ROBO2: variants seen among roughly 807,000 people sequenced by gnomAD.
The protein encoded by ROBO2 is roundabout guidance receptor 2.
ROBO2 carries 53 observed loss-of-function variants against 160.8 expected under a neutral mutation model. The observed-to-expected ratio is 0.33, with a 90% CI of 0.26 to 0.41. The LOEUF is 0.41. Ranked by LOEUF, ROBO2 falls within the 10% of genes least tolerant of loss-of-function variation. The pLI is 1.00. For synonymous variants in ROBO2, 664 were observed against 611.7 expected (o/e 1.09, Z -1.26); for missense variants, 1,577 against 1,722.4 (o/e 0.92, Z 1.49).
chr3:76,305,857 A>C (rs1013520294), intron 2 of ROBO2, among the ~76,000 whole-genome samples: 7 of 151,944 alleles, frequency 4.6e-5, no homozygotes, highest in Non-Finnish European at 1.0e-4. Context: ...AAAAAAAAAA[A>C]CAAAAAAACA....
intron 2 of ROBO2, among the ~76,000 whole-genome samples, chr3:76,964,048 T>C (rs1177676833): frequency 6.6e-6 from 1 of 152,058 alleles, no homozygotes. Context: ...ACAGAAAATG[T>C]GATTTAAAGC....
rs993678108 is a variant in ROBO2 at position 76,435,508 on chromosome 3, C to A, written c.109+497906C>A. On this transcript the variant is annotated intron_variant, in intron 2 of 26. Transcript: ENST00000487694. ...TCAAGATGGTTCTTTTCGCGATTTC[C>A]TCTACCTTGGTGCTCTTAAAACTGC... The A allele has an allele frequency of 6.2e-6, 4 of 648,006 alleles. No homozygotes were observed. The African/African-American group carries it at 7.2e-5, about 12-fold the overall frequency. 40.1% of individuals were successfully genotyped at this position (648,006 alleles called of 1,614,324 possible). A position where few individuals can be genotyped will look rare whatever the true frequency, so the allele number is the denominator to read the frequency against.
chr3:77,120,695 C>CA (rs1283512187), intron 2 of ROBO2, among the ~76,000 whole-genome samples: 2 of 151,938 alleles, frequency 1.3e-5, no homozygotes, highest in East Asian at 3.9e-4. Context: ...TGTCTGTATT[C>CA]AAAATAGTAT....
intron 2 of ROBO2, among the ~76,000 whole-genome samples, chr3:76,096,174 A>C (rs1220973880): frequency 6.6e-6 from 1 of 152,168 alleles, no homozygotes; most frequent in African/African-American, 2.4e-5. Flanking sequence ...GCCATCTTCC[A>C]TCACAGACCT....
At chr3:76,534,997 G>A (rs531069047) in intron 2 of ROBO2, among the ~76,000 whole-genome samples, 20 of 152,178 alleles carry the variant, frequency 1.3e-4, no homozygotes, top group African/African-American at 4.8e-4. Context: ...CCAAAGTAGT[G>A]TGGGCTTTCC....
chr3:75,995,558 G>A (rs1480587586), intron 2 of ROBO2, among the ~76,000 whole-genome samples: 1 of 152,144 alleles, frequency 6.6e-6, no homozygotes, highest in Non-Finnish European at 1.5e-5. Context: ...TTCTGCTAGG[G>A]AAGTGCAGAA....
chr3:76,965,353 C>T (rs1252342933), intron 2 of ROBO2, among the ~76,000 whole-genome samples: 2 of 152,200 alleles, frequency 1.3e-5, no homozygotes, highest in Non-Finnish European at 2.9e-5. Flanking sequence ...TAAAGCTACA[C>T]TCAGGAAATT....
intron 2 of ROBO2, among the ~76,000 whole-genome samples, chr3:77,034,496 C>T (rs1270292543): frequency 6.6e-6 from 1 of 151,462 alleles, no homozygotes; most frequent in Non-Finnish European, 1.5e-5. Context: ...TGCTCCCAAA[C>T]AGATTAGTTC....
chr3:77,043,979 G>A (rs1417401685), intron 1 of ROBO2, among the ~76,000 whole-genome samples: 1 of 151,984 alleles, frequency 6.6e-6, no homozygotes. Context: ...TCAGTAATGG[G>A]CTTATTATCA....
intron 2 of ROBO2, among the ~76,000 whole-genome samples, chr3:76,737,448 A>G (rs2093731910): frequency 6.6e-6 from 1 of 152,194 alleles, no homozygotes; most frequent in Non-Finnish European, 1.5e-5. Context: ...AACAAACAAT[A>G]TGCAAACAAA....
At chr3:77,379,046 C>T (rs2073088449) in intron 2 of ROBO2, among the ~76,000 whole-genome samples, 1 of 151,834 alleles carries the variant, frequency 6.6e-6, no homozygotes, top group Admixed American at 6.6e-5. Flanking sequence ...CTCCCAGGTT[C>T]AAGCGATTCT....
intron 2 of ROBO2, among the ~76,000 whole-genome samples, chr3:77,099,423 T>A (rs1042282161): frequency 6.6e-6 from 1 of 152,156 alleles, no homozygotes; most frequent in African/African-American, 2.4e-5. Context: ...TGGAAATGTA[T>A]AACTCCAATA....
chr3:75,990,474 T>C (rs1468016951), intron 2 of ROBO2, among the ~76,000 whole-genome samples: 1 of 152,188 alleles, frequency 6.6e-6, no homozygotes, highest in African/African-American at 2.4e-5. Flanking sequence ...TAGTTGTTAC[T>C]CCAGGATAGA....
intron 16 of ROBO2, among the ~76,000 whole-genome samples, chr3:77,583,812 A>T (rs2093976885): frequency 6.6e-6 from 1 of 152,194 alleles, no homozygotes; most frequent in Admixed American, 6.5e-5. Flanking sequence ...CCTAGCAGGC[A>T]CATACATTAC....
chr3:76,322,121 C>A (rs2072579477), intron 2 of ROBO2, among the ~76,000 whole-genome samples: 1 of 139,172 alleles, frequency 7.2e-6, no homozygotes, highest in Non-Finnish European at 1.5e-5. Context: ...TTGTGCAAAT[C>A]ATCTTCTGAA....
intron 6 of ROBO2, among the ~76,000 whole-genome samples, chr3:77,537,099 T>TGGG (rs63352561): frequency 0.053 from 6,715 of 126,862 alleles, 189 homozygotes; most frequent in Middle Eastern, 0.065. Flanking sequence ...ACATATTTTG[T>TGGG]GGGGGGGGGG....
intron 2 of ROBO2, among the ~76,000 whole-genome samples, chr3:76,152,698 G>T (rs948748976): frequency 1.2e-4 from 18 of 152,142 alleles, no homozygotes; most frequent in African/African-American, 4.3e-4. Context: ...TGTTAATTAA[G>T]GAAGGTATAT....
chr3:76,435,914 G>T (rs544388642), intron 2 of ROBO2, among the ~76,000 whole-genome samples: 1 of 152,132 alleles, frequency 6.6e-6, no homozygotes, highest in Non-Finnish European at 1.5e-5. Context: ...CGAGGCAGGG[G>T]TTGCACTGGA....
At chr3:76,833,240 C>A (rs138515039) in intron 2 of ROBO2, among the ~76,000 whole-genome samples, 1 of 152,048 alleles carries the variant, frequency 6.6e-6, no homozygotes, top group Non-Finnish European at 1.5e-5. Flanking sequence ...ATATAGTCCG[C>A]GGACAGTAAA....
Sources: gnomAD v4.1 joint callset for allele counts (sites outside exome capture counted in the v4.1 genomes callset) on GRCh38, gnomAD v4.1.1 for gene constraint, MANE v1.5 for transcripts, NCBI Gene and HGNC (gene_info 2026-07-23, HGNC 2026-07-21) for gene names.